Variants in C5orf24 observed in about 807,000 individuals in gnomAD.
The protein encoded by C5orf24 is UPF0461 protein C5orf24.
In C5orf24, 4 loss-of-function variants were observed where a neutral mutation model predicts 9.8. The ratio of observed to expected loss-of-function variants is 0.41; its 90% CI spans 0.20 to 0.93. The LOEUF is 0.93. C5orf24 is among the 40% of genes least tolerant of loss of function. The probability of loss-of-function intolerance (pLI) is 0.33; values close to 1 mark genes in which losing one functional copy is unlikely to be tolerated. For synonymous variants in C5orf24, 73 were observed against 81.3 expected (o/e 0.90, Z 0.55); for missense variants, 170 against 236.9 (o/e 0.72, Z 1.85).
Position 134,855,011 on chromosome 5 carries a change from C to T in C5orf24, c.111C>T (p.Ser37=). ...RAADQFDIYS[S]QQSKYSHTVN... The stretch of plus-strand genomic sequence containing the variant: ...CTGATCAGTTTGACATATATTCCTC[C>T]CAGCAAAGCAAATACAGCCACACAG... Residue 37 remains serine, a synonymous_variant, in exon 2 of 2, where the codon TCC becomes TCT. Coordinates refer to ENST00000394976, the MANE Select transcript of C5orf24 (RefSeq NM_001135586.1). 1.9e-6 allele frequency: 3 copies of T among 1,614,102 alleles called. No homozygotes were observed. In the East Asian group the frequency reaches 6.7e-5, roughly 36 times the overall value.
chr5:134,836,855 A>G, the C5orf24 span, among the ~76,000 whole-genome samples: 4 of 151,896 alleles, frequency 2.6e-5, no homozygotes, highest in African/African-American at 9.7e-5. Context: ...TAAGTTTTTT[A>G]TAATATGTTG....
upstream of C5orf24, among the ~76,000 whole-genome samples, chr5:134,844,682 C>T (rs1246022670): frequency 3.3e-5 from 5 of 152,256 alleles, no homozygotes; most frequent in East Asian, 7.7e-4. Context: ...CCAAAAAAAT[C>T]CTAGCTTCCC....
chr5:134,850,523 A>C (rs1212762725), intron 1 of C5orf24, among the ~76,000 whole-genome samples: 4 of 148,716 alleles, frequency 2.7e-5, no homozygotes, highest in Middle Eastern at 3.5e-3. Context: ...CCCAGGCTGG[A>C]GTGCAATGTT....
At chr5:134,854,253 AC>A (rs942357281) in intron 1 of C5orf24, among the ~76,000 whole-genome samples, 3 of 152,188 alleles carry the variant, frequency 2.0e-5, no homozygotes, top group Admixed American at 1.3e-4. Context: ...GGGAGTCAGT[AC>A]CTTGGGCCAA....
intron 1 of C5orf24, chr5:134,846,544 C>T (rs1279206057): frequency 6.6e-6 from 1 of 152,188 alleles, no homozygotes; most frequent in African/African-American, 2.4e-5. Context: ...TGCGGAACTC[C>T]GAGTGGACGG....
In C5orf24 at chr5:134,845,968, A is replaced by G. The variant is rs1468476828; in HGVS notation, c.-248A>G. The G allele has an allele frequency of 6.6e-6, 1 of 152,194 alleles. No homozygotes were observed. The highest frequency in any genetic ancestry group is 1.5e-5 in the Non-Finnish European group (1 of 68,064). 9.4% of individuals were successfully genotyped at this position (152,194 alleles called of 1,614,324 possible). On this transcript the variant is annotated 5_prime_UTR_variant, in exon 1 of 2. Transcript: ENST00000394976. ...TCGCGAGCTCGCGCACGCCGCCTCT[A>G]ACACTACAGGGTGGTAGCGGCCTCT...
At chr5:134,848,041 G>A (rs1252376938) in intron 1 of C5orf24, among the ~76,000 whole-genome samples, 2 of 151,856 alleles carry the variant, frequency 1.3e-5, no homozygotes, top group Admixed American at 1.3e-4. Context: ...GACCGGTCGC[G>A]GTGGCTGTGG....
chr5:134,836,065 T>G, the C5orf24 span, among the ~76,000 whole-genome samples: 17 of 152,106 alleles, frequency 1.1e-4, no homozygotes, highest in African/African-American at 4.1e-4. Flanking sequence ...AGTAAATATT[T>G]TTAAATGAAA....
intron 1 of C5orf24, chr5:134,846,681 T>G (rs1399079850): frequency 1.3e-5 from 2 of 152,212 alleles, no homozygotes; most frequent in Non-Finnish European, 2.9e-5. Flanking sequence ...AGGTAATACA[T>G]TCTAAACGCC....
At chr5:134,848,526 G>C (rs576982459) in intron 1 of C5orf24, among the ~76,000 whole-genome samples, 3 of 150,340 alleles carry the variant, frequency 2.0e-5, no homozygotes, top group Non-Finnish European at 4.4e-5. Context: ...AATTAGCCTA[G>C]CATACGTGCC....
At chr5:134,853,013 A>G (rs545112947) in intron 1 of C5orf24, among the ~76,000 whole-genome samples, 32 of 152,144 alleles carry the variant, frequency 2.1e-4, no homozygotes, top group African/African-American at 7.5e-4. Flanking sequence ...AAAATACAAA[A>G]TATTCGCCGG....
At chr5:134,852,026 T>C (rs1353186543) in intron 1 of C5orf24, among the ~76,000 whole-genome samples, 2 of 152,226 alleles carry the variant, frequency 1.3e-5, no homozygotes, top group Non-Finnish European at 2.9e-5. Context: ...CTGCAACCTC[T>C]GCCTCCCGGG....
chr5:134,843,735 A>G (rs1434656247), upstream of C5orf24, among the ~76,000 whole-genome samples: 1 of 152,148 alleles, frequency 6.6e-6, no homozygotes, highest in Non-Finnish European at 1.5e-5. Context: ...TTGTATTTTT[A>G]GTAGAGACAG....
At chr5:134,848,736 G>A (rs1480748813) in intron 1 of C5orf24, among the ~76,000 whole-genome samples, 1 of 151,414 alleles carries the variant, frequency 6.6e-6, no homozygotes, top group East Asian at 1.9e-4. Context: ...TGTGGCAGGC[G>A]GATCACCTGA....
At chr5:134,845,830 G>C (rs964552192), upstream of C5orf24, 1 of 152,290 alleles carries the variant, frequency 6.6e-6, no homozygotes, top group Non-Finnish European at 1.5e-5. Context: ...CAGGCTTAAG[G>C]CCACGACGCG....
Position 134,857,579 on chromosome 5 carries a change from A to T in C5orf24, c.*2112A>T. On this transcript the variant is annotated 3_prime_UTR_variant, in exon 2 of 2. Transcript: ENST00000394976. ...ACATTCTGGCAGCTAAATTGCTACA[A>T]GAGCTTTTTCTTGCAAAAGCTTAAA... 1.3e-6 allele frequency: 1 copy of T among 766,182 alleles called. No homozygotes were observed. Among genetic ancestry groups the T allele is most frequent in the East Asian group, 3.3e-5 (1 of 30,760 alleles). 47.5% of individuals were successfully genotyped at this position (766,182 alleles called of 1,614,324 possible).
intron 1 of C5orf24, among the ~76,000 whole-genome samples, chr5:134,848,395 G>T (rs182477133): frequency 6.6e-6 from 1 of 151,908 alleles, no homozygotes; most frequent in Admixed American, 6.6e-5. Context: ...GGTGGCTCAC[G>T]CCTGTAATCC....
chr5:134,855,420 C>G lies in C5orf24; in HGVS notation c.520C>G (p.His174Asp). Residue 174 changes from histidine (H) to aspartate (D), a missense_variant, in exon 2 of 2, where the codon CAT becomes GAT. By Grantham distance (81) the His-to-Asp change is moderately conservative. This residue lies in a region of C5orf24 where 56 missense variants were observed against 60.3 expected (regional missense o/e 0.93). Transcript: ENST00000394976. The part of the protein sequence containing the change: ...PYPMMHGRAV[H>D]GVEETSSEVK... ...CCCTATGATGCATGGCAGAGCAGTTCATGGGGTAGAGGAAACTAGCAGTGA... is the reference window on the plus strand; with the variant it reads ...CCCTATGATGCATGGCAGAGCAGTTGATGGGGTAGAGGAAACTAGCAGTGA... 1 of 1,614,134 alleles carries G rather than the reference C, an allele frequency of 6.2e-7. No individual in the cohort carries two copies. The highest frequency in any genetic ancestry group is 8.5e-7 in the Non-Finnish European group (1 of 1,180,026).
rs951319832 is a variant in C5orf24, at chr5:134,856,147, A to G, written c.*680A>G. 1 of 998,516 alleles carries G rather than the reference A, an allele frequency of 1.0e-6. No individual in the cohort carries two copies. Among genetic ancestry groups the G allele is most frequent in the Admixed American group, 6.1e-5 (1 of 16,268 alleles). 61.9% of individuals were successfully genotyped at this position (998,516 alleles called of 1,614,324 possible). On this transcript the variant is annotated 3_prime_UTR_variant, in exon 2 of 2. Transcript: ENST00000394976. ...GTGTATTTTTTAATTGCCTAAGAGC[A>G]TATATACCAAACACTACAAACAATT... is the stretch of plus-strand genomic sequence containing the variant.
Sources: gnomAD v4.1 joint callset for allele counts (sites outside exome capture counted in the v4.1 genomes callset) on GRCh38, gnomAD v4.1.1 for gene constraint, gnomAD v4.1.1 regional missense constraint, MANE v1.5 for transcripts, NCBI Gene and HGNC (gene_info 2026-07-23, HGNC 2026-07-21) for gene names.